Variants in SBF2 observed in about 807,000 individuals in gnomAD.
The protein encoded by SBF2 is SET binding factor 2, also known as myotubularin-related protein 13.
SBF2 carries 112 observed loss-of-function variants against 225.2 expected under a neutral mutation model. The observed-to-expected ratio is 0.50, with a 90% CI of 0.43 to 0.58. SBF2 has a LOEUF of 0.58. Among genes scored for constraint, SBF2 ranks in the 20% least tolerant of loss-of-function variants. The pLI is 0.00. For synonymous variants in SBF2, 763 were observed against 773.3 expected, an observed-to-expected ratio of 0.99 and a Z score of 0.22; for missense variants, 1,996 against 2,206.2, an observed-to-expected ratio of 0.90 and a Z score of 1.91.
chr11:10,007,932 T>G (rs1454261321), intron 6 of SBF2, among the ~76,000 whole-genome samples: 1 of 152,110 alleles, frequency 6.6e-6, no homozygotes, highest in Non-Finnish European at 1.5e-5. Context: ...CATCAAAGGG[T>G]TCTGTAAACT....
rs143565578 is a variant in SBF2, at chr11:10,095,267, T to C, written c.142-52286A>G. 5.8e-3 allele frequency among the ~76,000 whole-genome samples: 887 copies of C among 152,264 alleles called. 14 individuals carry two copies. Among genetic ancestry groups the C allele is most frequent in the African/African-American group, 0.019 (805 of 41,534 alleles). Reference sequence around the variant, plus strand: ...GTACAATAATATCACCTTCAAGTTATTGTAAACATTTAAATAGTAAGAAAA... The same window carrying C: ...GTACAATAATATCACCTTCAAGTTACTGTAAACATTTAAATAGTAAGAAAA... On this transcript the variant is annotated intron_variant, in intron 2 of 39. Coordinates refer to ENST00000256190, the MANE Select transcript of SBF2 (RefSeq NM_030962.4).
At chr11:10,129,411 CTCCTT>C (rs1226621597) in intron 2 of SBF2, among the ~76,000 whole-genome samples, 2 of 152,160 alleles carry the variant, frequency 1.3e-5, no homozygotes, top group African/African-American at 2.4e-5. Context: ...CCAATTTTCT[CTCCTT>C]TCTTCAAAGG....
intron 2 of SBF2, among the ~76,000 whole-genome samples, chr11:10,069,950 A>G (rs1437339025): frequency 6.6e-6 from 1 of 152,186 alleles, no homozygotes; most frequent in Non-Finnish European, 1.5e-5. Context: ...TGGCTGCATA[A>G]ATGTCTTCTT....
chr11:10,223,549 T>A (rs1958430854), intron 1 of SBF2, among the ~76,000 whole-genome samples: 1 of 151,362 alleles, frequency 6.6e-6, no homozygotes, highest in African/African-American at 2.4e-5. Context: ...ACTGAAAGTT[T>A]ATGTCATCTG....
chr11:10,075,899 G>GTT (rs776537276), intron 2 of SBF2, among the ~76,000 whole-genome samples: 106 of 146,180 alleles, frequency 7.3e-4, no homozygotes, highest in African/African-American at 2.4e-3. Flanking sequence ...ATTTCTGGTA[G>GTT]TTTTTTTTTT....
rs1855509460 is a variant in SBF2 at position 9,833,272 on chromosome 11, C to T, written c.3456-852G>A. 2.6e-5 allele frequency among the ~76,000 whole-genome samples: 4 copies of T among 152,116 alleles called. No individual in the cohort carries two copies. The South Asian group carries it at 8.3e-4, about 31-fold the overall frequency. ...ACAGGATATGATGCTGGGAAAATAA[C>T]ATGTAAGAGTACACACAGATTAATA... On this transcript the variant is annotated intron_variant, in intron 26 of 39. Transcript: ENST00000256190.
intron 2 of SBF2, among the ~76,000 whole-genome samples, chr11:10,105,653 T>C (rs1952512973): frequency 2.0e-5 from 3 of 152,208 alleles, no homozygotes; most frequent in South Asian, 4.1e-4. Flanking sequence ...TTCACTAACA[T>C]ATGCTGTAAA....
At chr11:10,193,836 T>C (rs1957270943) in intron 2 of SBF2, 66 bp downstream of exon 2, 2 of 1,067,442 alleles carry the variant, frequency 1.9e-6, no homozygotes, top group South Asian at 1.3e-5. Flanking sequence ...AACATAAATG[T>C]AAAAATCAAT....
intron 1 of SBF2, among the ~76,000 whole-genome samples, chr11:10,211,926 T>C (rs1192819266): frequency 6.6e-6 from 1 of 152,192 alleles, no homozygotes; most frequent in Non-Finnish European, 1.5e-5. Context: ...GAACCAAATA[T>C]ACAACTGGAG....
chr11:10,118,567 A>T (rs61878634), intron 2 of SBF2, among the ~76,000 whole-genome samples: 27,164 of 151,994 alleles, frequency 0.18, 2,602 homozygotes, highest in East Asian at 0.28. Context: ...AAAGAATTTA[A>T]ATTCTATAAT....
intron 2 of SBF2, among the ~76,000 whole-genome samples, chr11:10,066,532 TC>T (rs1304793342): frequency 6.6e-6 from 1 of 152,118 alleles, no homozygotes; most frequent in African/African-American, 2.4e-5. Context: ...TATGATCATT[TC>T]AATACAAACA....
At chr11:9,919,817 C>T (rs1371829678) in intron 16 of SBF2, among the ~76,000 whole-genome samples, 1 of 152,054 alleles carries the variant, frequency 6.6e-6, no homozygotes, top group African/African-American at 2.4e-5. Context: ...CTACAACCTC[C>T]ACCTCCCAGG....
At chr11:9,878,428 T>C (rs1859468030) in intron 17 of SBF2, among the ~76,000 whole-genome samples, 1 of 152,228 alleles carries the variant, frequency 6.6e-6, no homozygotes, top group Non-Finnish European at 1.5e-5. Flanking sequence ...TTGGCTTTTG[T>C]TGCCATTGCT....
At chr11:10,297,890 T>A (rs1330125754), upstream of SBF2, among the ~76,000 whole-genome samples, 1 of 152,232 alleles carries the variant, frequency 6.6e-6, no homozygotes, top group Non-Finnish European at 1.5e-5. Flanking sequence ...TTGAAACTGA[T>A]AAGCCCTGAC....
At chr11:10,228,951 CTTTT>C (rs929222253) in intron 1 of SBF2, among the ~76,000 whole-genome samples, 2 of 147,506 alleles carry the variant, frequency 1.4e-5, no homozygotes, top group Non-Finnish European at 3.0e-5. Context: ...TGGTCCTGGA[CTTTT>C]TTTTTTGGTT....
chr11:10,171,619 C>T (rs566116943), intron 2 of SBF2, among the ~76,000 whole-genome samples: 2 of 152,058 alleles, frequency 1.3e-5, no homozygotes, highest in Non-Finnish European at 2.9e-5. Context: ...GTGTCTTTGC[C>T]TGGTTTTGGC....
chr11:9,893,625 A>G (rs1861011862), intron 17 of SBF2, among the ~76,000 whole-genome samples: 1 of 152,188 alleles, frequency 6.6e-6, no homozygotes, highest in African/African-American at 2.4e-5. Flanking sequence ...GCTTCCTATC[A>G]AGTTTCACTA....
chr11:9,997,432 C>G (rs978972886), intron 9 of SBF2, among the ~76,000 whole-genome samples: 6 of 152,164 alleles, frequency 3.9e-5, no homozygotes, highest in Admixed American at 1.3e-4. Context: ...CTTTATTTGG[C>G]TTGAATGTAG....
chr11:9,941,549 T>C (rs1196684870), intron 16 of SBF2, among the ~76,000 whole-genome samples: 2 of 152,162 alleles, frequency 1.3e-5, no homozygotes, highest in Non-Finnish European at 2.9e-5. Flanking sequence ...CTGATTTCAA[T>C]CATAAAAATA....
Sources: allele counts gnomAD v4.1 joint callset (sites outside exome capture counted in the v4.1 genomes callset), GRCh38; gene constraint gnomAD v4.1.1; transcripts MANE v1.5; gene names NCBI Gene and HGNC (gene_info 2026-07-23, HGNC 2026-07-21).